The following TRIO variants were observed in gnomAD, a reference collection of about 807,000 sequenced individuals.
TRIO encodes the protein triple functional domain protein.
Under a neutral mutation model 351.9 loss-of-function variants are expected in TRIO, and 58 were observed. The ratio of observed to expected loss-of-function variants is 0.16; its 90% CI spans 0.13 to 0.21. TRIO has a LOEUF of 0.21. Ranked by LOEUF, TRIO falls within the 10% of genes least tolerant of loss-of-function variation. The probability of loss-of-function intolerance (pLI) is 1.00; values close to 1 mark genes in which losing one functional copy is unlikely to be tolerated. For synonymous variants in TRIO, 1,758 were observed against 1,595.7 expected (o/e 1.10, Z -2.42); for missense variants, 3,201 against 4,027.8 (o/e 0.79, Z 5.56).
intron 35 of TRIO, 35 bp from the exon 36 acceptor site, chr5:14,462,720 T>A (rs1162292090): frequency 1.2e-6 from 2 of 1,612,486 alleles, no homozygotes; most frequent in Non-Finnish European, 1.7e-6. Context: ...TGAACTGGCC[T>A]GGAATATAAT....
In TRIO at chr5:14,286,750, C is replaced by G; in HGVS notation, c.348-121C>G. Reference sequence around the variant, plus strand: ...GAGCTGAGCACAGTGTGCTCCTTCCCCTGCCTCCGCACGTGTCCAGCAGGG... The same window carrying G: ...GAGCTGAGCACAGTGTGCTCCTTCCGCTGCCTCCGCACGTGTCCAGCAGGG... On this transcript the variant is annotated intron_variant, in intron 3 of 56. Transcript: ENST00000344204. This position sits in a 1 kb window ranked among gnomAD's most constrained non-coding sequence, Gnocchi z 4.4. 18 of 1,025,580 alleles carry G rather than the reference C, an allele frequency of 1.8e-5. No individual in the cohort carries two copies. The highest frequency in any genetic ancestry group is 2.2e-5 in the Non-Finnish European group (16 of 711,198). 63.5% of individuals were successfully genotyped at this position (1,025,580 alleles called of 1,614,324 possible). A position where few individuals can be genotyped will look rare whatever the true frequency, so the allele number is the denominator to read the frequency against.
At chr5:14,383,705 C>T (rs1337303687) in intron 21 of TRIO, among the ~76,000 whole-genome samples, 2 of 152,158 alleles carry the variant, frequency 1.3e-5, no homozygotes, top group East Asian at 1.9e-4. Flanking sequence ...CCTCACCTTT[C>T]CTTTTCTTAG....
chr5:14,232,405 C>T (rs954270491), intron 1 of TRIO, among the ~76,000 whole-genome samples: 1 of 152,160 alleles, frequency 6.6e-6, no homozygotes, highest in African/African-American at 2.4e-5. Flanking sequence ...TTTTCTGGCC[C>T]CTGCACCAGC....
intron 1 of TRIO, among the ~76,000 whole-genome samples, chr5:14,225,130 G>A (rs932287052): frequency 9.2e-5 from 14 of 152,102 alleles, no homozygotes; most frequent in African/African-American, 2.9e-4. Context: ...TATCTGAATC[G>A]TAGAGAATCA....
intron 34 of TRIO, among the ~76,000 whole-genome samples, chr5:14,421,873 C>T (rs962955182): frequency 2.6e-5 from 4 of 152,268 alleles, no homozygotes; most frequent in African/African-American, 9.6e-5. Context: ...CAACAAAAGA[C>T]ATAGGAACTG....
rs59717445 is a variant in TRIO, at chr5:14,230,340, T to TTGTGTGTGTGTGTGTG, written c.158-40465_158-40450dup. On this transcript the variant is annotated intron_variant, in intron 1 of 56. Coordinates refer to ENST00000344204, the MANE Select transcript of TRIO (RefSeq NM_007118.4). ...GAAATTGGAAAGTCAGGCAAGATGTTTGTGTGTGTGTGTGTGTGTGTGTGT... is the reference window on the plus strand; with the variant it reads ...GAAATTGGAAAGTCAGGCAAGATGTTTGTGTGTGTGTGTGTGTGTGTGTGTGTGTGTGTGTGTGTGT... Among the ~76,000 whole-genome samples the TTGTGTGTGTGTGTGTG allele has an allele frequency of 4.0e-3, 596 of 149,104 alleles. 5 individuals are homozygous for TTGTGTGTGTGTGTGTG. Among genetic ancestry groups the TTGTGTGTGTGTGTGTG allele is most frequent in the African/African-American group, 0.014 (557 of 39,874 alleles).
At chr5:14,377,558 CT>C (rs951637839) in intron 19 of TRIO, among the ~76,000 whole-genome samples, 11 of 151,326 alleles carry the variant, frequency 7.3e-5, no homozygotes, top group Admixed American at 2.0e-4. Flanking sequence ...CTTGGTTTTT[CT>C]TTTTTTTTAA....
intron 1 of TRIO, among the ~76,000 whole-genome samples, chr5:14,161,944 C>T (rs1251893633): frequency 1.3e-5 from 2 of 152,146 alleles, no homozygotes; most frequent in African/African-American, 4.8e-5. Flanking sequence ...GTCTCAACCT[C>T]CTGGACTCCA....
At chr5:14,433,624 C>T (rs1280546934) in intron 34 of TRIO, among the ~76,000 whole-genome samples, 2 of 152,188 alleles carry the variant, frequency 1.3e-5, no homozygotes, top group South Asian at 2.1e-4. Flanking sequence ...CCAGCATCCT[C>T]AGCTGCAGAG....
intron 2 of TRIO, among the ~76,000 whole-genome samples, chr5:14,272,643 T>G (rs1796042801): frequency 6.6e-6 from 1 of 152,212 alleles, no homozygotes; most frequent in Admixed American, 6.5e-5. Context: ...TACCACAGAT[T>G]AGTAGGAACT....
chr5:14,184,006 T>G (rs767124615), intron 1 of TRIO: 62 of 697,682 alleles, frequency 8.9e-5, no homozygotes, highest in South Asian at 2.7e-4. Context: ...TTATTTTGGC[T>G]CTCTGATGTG....
At chr5:14,183,481 T>A (rs1789914504) in intron 1 of TRIO, among the ~76,000 whole-genome samples, 1 of 152,128 alleles carries the variant, frequency 6.6e-6, no homozygotes, top group African/African-American at 2.4e-5. Flanking sequence ...GAATAATTAT[T>A]GCATCCCCTA....
In TRIO at chr5:14,225,797, C is replaced by CCT. The variant is rs1554036811; in HGVS notation, c.158-45027_158-45026insTC. 1.5e-5 allele frequency among the ~76,000 whole-genome samples: 2 copies of CCT among 132,812 alleles called. 1 individual carries two copies. The highest frequency in any genetic ancestry group is 7.1e-3 in the Middle Eastern group (2 of 280). The allele number at this position is 132,812 out of a possible 152,430, so 87.1% of individuals were successfully genotyped here. ...CCATCATATTCACTGCTCCCACCCCCCCCCCCACCTCCAAGCCCAAAAGGA... is the reference window on the plus strand; with the variant it reads ...CCATCATATTCACTGCTCCCACCCCCCTCCCCCCACCTCCAAGCCCAAAAGGA... On this transcript the variant is annotated intron_variant, in intron 1 of 56. Coordinates refer to ENST00000344204, the MANE Select transcript of TRIO (RefSeq NM_007118.4).
intron 20 of TRIO, among the ~76,000 whole-genome samples, chr5:14,378,403 T>A (rs1246144281): frequency 1.3e-5 from 2 of 152,212 alleles, no homozygotes; most frequent in Admixed American, 1.3e-4. Flanking sequence ...CAAGGATTAT[T>A]TAAAAATTAT....
At chr5:14,484,265 T>G (rs1755756177) in intron 46 of TRIO, among the ~76,000 whole-genome samples, 1 of 152,262 alleles carries the variant, frequency 6.6e-6, no homozygotes, top group African/African-American at 2.4e-5. Flanking sequence ...CATACAATTT[T>G]ATAACATAGG....
intron 1 of TRIO, among the ~76,000 whole-genome samples, chr5:14,239,681 A>G (rs575247779): frequency 6.6e-6 from 1 of 152,290 alleles, no homozygotes; most frequent in South Asian, 2.1e-4. Context: ...AGCCAACTCT[A>G]AAAACCCACA....
intron 11 of TRIO, among the ~76,000 whole-genome samples, chr5:14,339,206 C>T (rs1046374259): frequency 2.6e-5 from 4 of 152,126 alleles, no homozygotes; most frequent in Non-Finnish European, 4.4e-5. Context: ...CATTGCACTC[C>T]AGCCTGGGCA....
intron 49 of TRIO, among the ~76,000 whole-genome samples, chr5:14,496,221 A>G (rs976494914): frequency 6.6e-6 from 1 of 152,222 alleles, no homozygotes; most frequent in East Asian, 1.9e-4. Flanking sequence ...CTAAGAAACC[A>G]AAACTTGATG....
chr5:14,478,773 G>C, intron 41 of TRIO, among the ~76,000 whole-genome samples: 1 of 138,574 alleles, frequency 7.2e-6, no homozygotes, highest in South Asian at 2.3e-4. Context: ...GAAAAAGCAG[G>C]ACTCCATCCC....
Sources: gnomAD v4.1 joint callset for allele counts (sites outside exome capture counted in the v4.1 genomes callset) on GRCh38, gnomAD v4.1.1 for gene constraint, Gnocchi (gnomAD v3.1) non-coding constraint, MANE v1.5 for transcripts, NCBI Gene and HGNC (gene_info 2026-07-23, HGNC 2026-07-21) for gene names.